The following PCDHA1 variants were observed in gnomAD, a reference collection of about 807,000 sequenced individuals.
The protein encoded by PCDHA1 is protocadherin alpha 1.
Under a neutral mutation model 61.3 loss-of-function variants are expected in PCDHA1, and 42 were observed. That is an observed-to-expected ratio of 0.69 (90% CI 0.54 to 0.89). PCDHA1 has a LOEUF of 0.89. PCDHA1 is among the 40% of genes least tolerant of loss of function. The probability of loss-of-function intolerance (pLI) is 0.00; values close to 1 mark genes in which losing one functional copy is unlikely to be tolerated. For missense variants in PCDHA1, 1,256 were observed against 1,235.3 expected, an observed-to-expected ratio of 1.02 and a Z score of -0.25; for synonymous variants, 610 against 553.8, an observed-to-expected ratio of 1.10 and a Z score of -1.43.
At chr5:140,796,025 C>A (rs2149919001) in intron 1 of PCDHA1, 2 of 1,614,176 alleles carry the variant, frequency 1.2e-6, no homozygotes, top group South Asian at 2.2e-5. Context: ...TCAATAACGT[C>A]TCTCTCACTT....
intron 3 of PCDHA1, among the ~76,000 whole-genome samples, chr5:140,988,382 T>C (rs2097295449): frequency 6.6e-6 from 1 of 152,148 alleles, no homozygotes; most frequent in African/African-American, 2.4e-5. Flanking sequence ...TGAAACTCAT[T>C]GTGTTTGCCA....
At chr5:140,882,643 C>T in intron 1 of PCDHA1, 1 of 1,614,190 alleles carries the variant, frequency 6.2e-7, no homozygotes, top group Non-Finnish European at 8.5e-7. Context: ...AGGTGAGGGA[C>T]ATTAACGACA....
At chr5:140,829,541 G>C in intron 1 of PCDHA1, 1 of 1,613,068 alleles carries the variant, frequency 6.2e-7, no homozygotes. Flanking sequence ...AGACGCGGAC[G>C]CGCAGGAGAA....
chr5:140,889,063 A>G (rs1423499022), intron 1 of PCDHA1, among the ~76,000 whole-genome samples: 2 of 151,938 alleles, frequency 1.3e-5, no homozygotes, highest in Non-Finnish European at 2.9e-5. Context: ...CTTTTAATAT[A>G]CTACTTATTT....
At chr5:140,869,322 C>A (rs1169893950) in intron 1 of PCDHA1, 12 of 1,613,702 alleles carry the variant, frequency 7.4e-6, no homozygotes, top group Non-Finnish European at 1.0e-5. Context: ...CACATGGGGA[C>A]CTTCTGGAGG....
intron 1 of PCDHA1, among the ~76,000 whole-genome samples, chr5:140,898,811 C>T (rs1277456601): frequency 6.6e-6 from 1 of 152,190 alleles, no homozygotes; most frequent in Non-Finnish European, 1.5e-5. Context: ...ACTGATTCTT[C>T]CTACCCATGA....
chr5:141,006,379 G>GT (rs2098271047), intron 3 of PCDHA1, among the ~76,000 whole-genome samples: 1 of 151,748 alleles, frequency 6.6e-6, no homozygotes, highest in South Asian at 2.1e-4. Flanking sequence ...GCCCGGCTAA[G>GT]TTTTTTCTAT....
chr5:140,834,723 CT>C, intron 1 of PCDHA1: 1 of 1,614,276 alleles, frequency 6.2e-7, no homozygotes, highest in South Asian at 1.1e-5. Flanking sequence ...GGAAAGGCCG[CT>C]GCAGGTTTTC....
Position 140,787,024 on chromosome 5 carries a change from C to A in PCDHA1, c.734C>A (p.Ala245Asp), listed in dbSNP as rs782152915. The A allele has an allele frequency of 1.2e-6, 2 of 1,614,156 alleles. No homozygotes were observed. Among genetic ancestry groups the A allele is most frequent in the Non-Finnish European group, 1.7e-6 (2 of 1,180,008 alleles). ...VNDNAPLFDQ[A>D]VYRVHLLETT... Reference sequence around the variant, plus strand: ...GATAACGCCCCACTGTTTGACCAGGCCGTATACAGAGTCCACTTGTTAGAG... The same window carrying A: ...GATAACGCCCCACTGTTTGACCAGGACGTATACAGAGTCCACTTGTTAGAG... The change falls in exon 1 of 4, where the codon GCC becomes GAC. Residue 245 changes from alanine to aspartate, a missense_variant. Coordinates refer to ENST00000504120, the MANE Select transcript of PCDHA1 (RefSeq NM_018900.4).
intron 1 of PCDHA1, chr5:140,930,304 A>G (rs1554207720): frequency 6.6e-6 from 1 of 152,236 alleles, no homozygotes. Flanking sequence ...ATAAGTAAAT[A>G]TCATATTTGA....
At chr5:140,858,843 T>C (rs1373810997) in intron 1 of PCDHA1, 2 of 313,860 alleles carry the variant, frequency 6.4e-6, no homozygotes, top group Non-Finnish European at 1.2e-5. Context: ...AAAATTCCAC[T>C]GATCTATATC....
chr5:140,877,700 G>A, intron 1 of PCDHA1: 1 of 1,613,996 alleles, frequency 6.2e-7, no homozygotes, highest in Non-Finnish European at 8.5e-7. Flanking sequence ...GTGTGCTCCA[G>A]CGCCGTGGGG....
At position 140,871,188 on chromosome 5, in the gene PCDHA1, C is replaced by G. The variant is rs782347896; in HGVS notation, c.2394+82504C>G. Reference sequence around the variant, plus strand: ...GCCCAGAGGCTGCGCTGGTGGATGTCAACGTGTACCTGATCATCGCCATCT... The same window carrying G: ...GCCCAGAGGCTGCGCTGGTGGATGTGAACGTGTACCTGATCATCGCCATCT... On this transcript the variant is annotated intron_variant, in intron 1 of 3. Transcript: ENST00000504120. 9.9e-6 allele frequency: 16 copies of G among 1,613,638 alleles called. 1 individual carries two copies. In the South Asian group the frequency reaches 1.8e-4, roughly 18 times the overall value.
intron 1 of PCDHA1, chr5:140,811,408 T>C (rs1764861885): frequency 6.6e-6 from 1 of 152,244 alleles, no homozygotes; most frequent in Non-Finnish European, 1.5e-5. Context: ...CGGTCTATCA[T>C]TGATGGACAT....
rs569196796 is a variant in PCDHA1 at position 140,795,240 on chromosome 5, G to C, written c.2394+6556G>C. ...TGTTTGTGAATTCTCGGATCGACCG[G>C]GAGGAGCTGTGCGGGCGGAGCGCGG... On this transcript the variant is annotated intron_variant, in intron 1 of 3. Transcript: ENST00000504120. 4.2e-5 allele frequency: 68 copies of C among 1,614,282 alleles called. No homozygotes were observed. In the African/African-American group the frequency reaches 6.1e-4, roughly 15 times the overall value.
At chr5:140,841,119 T>G (rs572378133) in intron 1 of PCDHA1, 1 of 628,942 alleles carries the variant, frequency 1.6e-6, no homozygotes, top group East Asian at 2.8e-5. Flanking sequence ...ATTCATGTAA[T>G]CATTACCTTT....
chr5:141,010,030 C>CTAG lies in PCDHA1; in HGVS notation c.*93_*94insTAG. The stretch of plus-strand genomic sequence containing the variant: ...ATTCCCTGCTCCTTTTTCCTATCTA[C>CTAG]ATGAGCCCTCTTAGAGACCTCAGAA... On this transcript the variant is annotated 3_prime_UTR_variant, in exon 4 of 4. Coordinates refer to ENST00000504120, the MANE Select transcript of PCDHA1 (RefSeq NM_018900.4). 1 of 1,580,910 alleles carries CTAG rather than the reference C, an allele frequency of 6.3e-7. No homozygotes were observed. Among genetic ancestry groups the CTAG allele is most frequent in the Admixed American group, 1.8e-5 (1 of 54,776 alleles).
intron 1 of PCDHA1, 127 bp from the exon 2 acceptor site, chr5:140,978,822 A>G: frequency 6.6e-7 from 1 of 1,521,216 alleles, no homozygotes; most frequent in Non-Finnish European, 8.8e-7. Context: ...GTTACACATG[A>G]AATGGCTCAT....
intron 1 of PCDHA1, chr5:140,805,621 ATGTAT>A: frequency 1.1e-6 from 1 of 916,950 alleles, no homozygotes; most frequent in East Asian, 1.2e-4. Flanking sequence ...ATGTAAGAAA[ATGTAT>A]TGTGGTTTAT....
Sources: allele counts gnomAD v4.1 joint callset (sites outside exome capture counted in the v4.1 genomes callset), GRCh38; gene constraint gnomAD v4.1.1; transcripts MANE v1.5; gene names NCBI Gene and HGNC (gene_info 2026-07-23, HGNC 2026-07-21).